The following MAK variants were observed in gnomAD, a reference collection of about 807,000 sequenced individuals.
The protein encoded by MAK is serine/threonine-protein kinase MAK.
A neutral mutation model predicts 82.6 loss-of-function variants in MAK; 65 were observed. That is an observed-to-expected ratio of 0.79 (90% confidence interval 0.64 to 0.97). The LOEUF (loss-of-function observed/expected upper bound fraction) is 0.97. MAK is among the 50% of genes least tolerant of loss of function. MAK has a pLI of 0.00. For synonymous variants in MAK, 250 were observed against 274.2 expected (o/e 0.91, Z 0.87); for missense variants, 703 against 780.2 (o/e 0.90, Z 1.18).
At chr6:10,796,639 C>G (rs963175805) in intron 8 of MAK, among the ~76,000 whole-genome samples, 2 of 152,116 alleles carry the variant, frequency 1.3e-5, no homozygotes, top group African/African-American at 4.8e-5. Context: ...AACCCAGTCT[C>G]TACTAAAAAT....
At chr6:10,802,109 T>G in intron 7 of MAK, 50 bp from the exon 8 acceptor site, 1 of 1,482,220 alleles carries the variant, frequency 6.7e-7, no homozygotes, top group Non-Finnish European at 9.4e-7. Flanking sequence ...ACAAATTGTT[T>G]TTAGTAATCC....
At chr6:10,818,298 A>G (rs1437038451) in intron 3 of MAK, among the ~76,000 whole-genome samples, 1 of 152,206 alleles carries the variant, frequency 6.6e-6, no homozygotes, top group Non-Finnish European at 1.5e-5. Context: ...ATCTAAGGAA[A>G]TGGTATGTAG....
At chr6:10,807,850 C>T (rs1401135965) in intron 6 of MAK, among the ~76,000 whole-genome samples, 5 of 151,616 alleles carry the variant, frequency 3.3e-5, no homozygotes, top group Admixed American at 1.3e-4. Context: ...GGAGGATCAC[C>T]GGAGGTCAGG....
chr6:10,811,241 C>T (rs767896884), intron 5 of MAK, among the ~76,000 whole-genome samples: 2 of 152,244 alleles, frequency 1.3e-5, no homozygotes, highest in African/African-American at 2.4e-5. Context: ...TCAAGTGATC[C>T]GCCTGCCTTG....
At chr6:10,766,963 C>T (rs1014637794) in intron 14 of MAK, among the ~76,000 whole-genome samples, 3 of 152,124 alleles carry the variant, frequency 2.0e-5, no homozygotes, top group Non-Finnish European at 2.9e-5. Flanking sequence ...GATTCCTTTC[C>T]TAGATATACT....
intron 5 of MAK, among the ~76,000 whole-genome samples, chr6:10,810,097 C>CAAAAAAAAA (rs1289360594): frequency 8.4e-5 from 3 of 35,772 alleles, no homozygotes; most frequent in South Asian, 8.1e-4. Flanking sequence ...GACACTGTCT[C>CAAAAAAAAA]AAAAAAAAAA....
At chr6:10,835,158 T>C (rs1019544416) in intron 1 of MAK, among the ~76,000 whole-genome samples, 16 of 152,252 alleles carry the variant, frequency 1.1e-4, no homozygotes, top group African/African-American at 3.6e-4. Flanking sequence ...CCCCTTGTTA[T>C]CTAACCTAAG....
At chr6:10,811,798 A>G (rs1318323186) in intron 5 of MAK, among the ~76,000 whole-genome samples, 1 of 152,212 alleles carries the variant, frequency 6.6e-6, no homozygotes, top group Admixed American at 6.5e-5. Flanking sequence ...TACCCTTTTT[A>G]TAAGTTTAAG....
At chr6:10,792,324 A>G (rs549921115) in intron 9 of MAK, among the ~76,000 whole-genome samples, 2 of 152,330 alleles carry the variant, frequency 1.3e-5, no homozygotes, top group Admixed American at 1.3e-4. Context: ...ACAGGAATGA[A>G]AGCCACCTGC....
At position 10,830,869 on chromosome 6, in the gene MAK, A is replaced by T. The variant is rs1778765582; in HGVS notation, c.-221T>A. The T allele has an allele frequency of 1.8e-6, 1 of 549,856 alleles. No homozygotes were observed. Among genetic ancestry groups the T allele is most frequent in the Non-Finnish European group, 3.3e-6 (1 of 304,092 alleles). The allele number at this position is 549,856 out of a possible 1,614,324, so 34.1% of individuals were successfully genotyped here. ...GCAAGGAAACAACACTTCCATTCTT[A>T]TAAACACCCTAAAGAAAGAAAACAA... On this transcript the variant is annotated 5_prime_UTR_variant, in exon 2 of 15. Transcript: ENST00000354489.
intron 2 of MAK, among the ~76,000 whole-genome samples, chr6:10,821,913 C>T (rs1364471689): frequency 1.3e-5 from 2 of 148,328 alleles, no homozygotes; most frequent in Non-Finnish European, 3.0e-5. Flanking sequence ...TTTGGGAGGC[C>T]AAGGCGGGCG....
chr6:10,801,665 G>A (rs1776026117), intron 8 of MAK, among the ~76,000 whole-genome samples: 1 of 152,076 alleles, frequency 6.6e-6, no homozygotes, highest in Non-Finnish European at 1.5e-5. Context: ...TTCTTCATTT[G>A]AACCACAAAA....
At position 10,764,205 on chromosome 6, in the gene MAK, T is replaced by G. The variant is rs1485239367; in HGVS notation, c.*247A>C. ...ATTGTAGATCAAATACTTCATACTT[T>G]GGCAAATAGTTTATTCAATACTTTG... On this transcript the variant is annotated 3_prime_UTR_variant, in exon 15 of 15. Coordinates refer to ENST00000354489, the MANE Select transcript of MAK (RefSeq NM_001242957.3). 4.3e-6 allele frequency: 2 copies of G among 464,506 alleles called. No individual in the cohort carries two copies. Among genetic ancestry groups the G allele is most frequent in the Admixed American group, 3.8e-5 (1 of 26,018 alleles). The allele number at this position is 464,506 out of a possible 1,614,324, so 28.8% of individuals were successfully genotyped here.
Position 10,810,345 on chromosome 6 carries a change from C to CTTTTT in MAK, c.359-1408_359-1404dup, listed in dbSNP as rs111859354. Among the ~76,000 whole-genome samples the CTTTTT allele has an allele frequency of 5.6e-3, 686 of 121,520 alleles. 2 individuals are homozygous for CTTTTT. Among genetic ancestry groups the CTTTTT allele is most frequent in the Non-Finnish European group, 7.4e-3 (437 of 58,796 alleles). The allele number at this position is 121,520 out of a possible 152,430, so 79.7% of individuals were successfully genotyped here. On this transcript the variant is annotated intron_variant, in intron 5 of 14. Transcript: ENST00000354489. ...TGGGAAGACTTTCTTTTATCTTTTTCTTTTTTTTTTTTTTTTTTTGTTTTG... is the reference window on the plus strand; with the variant it reads ...TGGGAAGACTTTCTTTTATCTTTTTCTTTTTTTTTTTTTTTTTTTTTTTTGTTTTG...
chr6:10,818,362 C>G (rs1013764390), intron 3 of MAK, among the ~76,000 whole-genome samples: 2 of 152,244 alleles, frequency 1.3e-5, no homozygotes, highest in South Asian at 2.1e-4. Context: ...GCCTGCTATC[C>G]CAGCACTTTG....
chr6:10,764,359 C>A lies in MAK; in HGVS notation c.*93G>T. The A allele has an allele frequency of 7.3e-7, 1 of 1,362,742 alleles. No individual in the cohort carries two copies. The allele number at this position is 1,362,742 out of a possible 1,614,324, so 84.4% of individuals were successfully genotyped here. On this transcript the variant is annotated 3_prime_UTR_variant, in exon 15 of 15. Transcript: ENST00000354489. ...ACTTTTGCATATTTCTTCCAGAACT[C>A]AGTAGAAATAGACATTTGTAGACAT...
chr6:10,784,455 C>T lies in MAK; in HGVS notation c.1434G>A (p.Gln478=), dbSNP rs764699614. The T allele has an allele frequency of 8.1e-6, 13 of 1,614,042 alleles. 1 individual carries two copies. The Admixed American group carries it at 2.2e-4, about 27-fold the overall frequency. ...GATATCTTGATTGTTTCAAGTAGTA[C>T]TGTTTAGAGGTTGGAGCAGTTGACA... is the stretch of plus-strand genomic sequence containing the variant. ...SELSTAPTSK[Q]YYLKQSRYLP... Residue 478 remains glutamine (Q), a synonymous_variant, in exon 11 of 15, where the codon CAG becomes CAA. Coordinates refer to ENST00000354489, the MANE Select transcript of MAK (RefSeq NM_001242957.3).
intron 9 of MAK, among the ~76,000 whole-genome samples, chr6:10,794,769 GA>G (rs775217660): frequency 1.8e-4 from 28 of 152,218 alleles, no homozygotes; most frequent in Non-Finnish European, 3.7e-4. Flanking sequence ...AAGGAGGGTG[GA>G]TCACCTGAGG....
At chr6:10,783,898 A>G (rs907327359) in intron 11 of MAK, among the ~76,000 whole-genome samples, 3 of 152,174 alleles carry the variant, frequency 2.0e-5, no homozygotes, top group Non-Finnish European at 4.4e-5. Context: ...TCGCACCTGT[A>G]GTCCCAGCTA....
Sources: gnomAD v4.1 joint callset for allele counts (sites outside exome capture counted in the v4.1 genomes callset) on GRCh38, gnomAD v4.1.1 for gene constraint, MANE v1.5 for transcripts, NCBI Gene and HGNC (gene_info 2026-07-23, HGNC 2026-07-21) for gene names.